Variants in IPO7 observed in about 807,000 individuals in gnomAD.
IPO7 encodes importin-7.
A neutral mutation model predicts 136.4 loss-of-function variants in IPO7; 13 were observed. That is an observed-to-expected ratio of 0.10 (90% CI 0.06 to 0.15). IPO7 has a LOEUF of 0.15. IPO7 is among the 10% of genes least tolerant of loss of function. The pLI, the probability that IPO7 is intolerant of heterozygous loss-of-function variation, is 1.00. For synonymous variants in IPO7, 403 were observed against 404.4 expected (o/e 1.00, Z 0.04); for missense variants, 857 against 1,240.6 (o/e 0.69, Z 4.65).
intron 2 of IPO7, 41 bp downstream of exon 2, chr11:9,403,412 T>A (rs757101668): frequency 2.1e-6 from 3 of 1,434,510 alleles, no homozygotes; most frequent in Non-Finnish European, 2.9e-6. Context: ...TAATCTATTG[T>A]TTAAAAGGTT....
intron 16 of IPO7, chr11:9,433,054 G>C (rs570356632): frequency 6.4e-5 from 9 of 140,768 alleles, no homozygotes; most frequent in African/African-American, 2.3e-4. Flanking sequence ...AATGGCGCTC[G>C]GCTCACTGCA....
Position 9,414,358 on chromosome 11 carries a change from C to G in IPO7, c.583C>G (p.Gln195Glu). ...FIQLLSDQSD[Q>E]SVLIQKQIFK... ...CCAGCTTCTTTCTGACCAGTCTGAT[C>G]AGTCTGTCCTCATCCAGAAACAGAT... The change falls in exon 5 of 25, where the codon CAG becomes GAG. Residue 195 changes from glutamine (Q) to glutamate (E), a missense_variant. Around this residue, in one of 11 missense-constraint regions of IPO7, gnomAD observed 287 missense variants for 307.5 expected, o/e 0.93. Transcript: ENST00000379719. 6.2e-7 allele frequency: 1 copy of G among 1,611,852 alleles called. No individual in the cohort carries two copies. Among genetic ancestry groups the G allele is most frequent in the Non-Finnish European group, 8.5e-7 (1 of 1,178,238 alleles).
At chr11:9,429,340 A>G in intron 14 of IPO7, 144 bp downstream of exon 14, 1 of 694,978 alleles carries the variant, frequency 1.4e-6, no homozygotes, top group Non-Finnish European at 2.4e-6. Flanking sequence ...CATCTCTACA[A>G]AAAAAATTTT....
chr11:9,414,600 A>G (rs1855013526), intron 5 of IPO7, 189 bp downstream of exon 5: 2 of 347,206 alleles, frequency 5.8e-6, no homozygotes, highest in South Asian at 1.8e-4. Context: ...CCCCAAATAC[A>G]TAAACAACCC....
At chr11:9,432,881 T>C (rs760167883) in intron 16 of IPO7, among the ~76,000 whole-genome samples, 1 of 152,152 alleles carries the variant, frequency 6.6e-6, no homozygotes, top group African/African-American at 2.4e-5. Flanking sequence ...GTAGCAATAA[T>C]GCCTTCCTTC....
At chr11:9,398,380 G>A (rs902024646) in intron 1 of IPO7, among the ~76,000 whole-genome samples, 12 of 152,264 alleles carry the variant, frequency 7.9e-5, no homozygotes, top group African/African-American at 2.6e-4. Flanking sequence ...GAAAAATAAT[G>A]GTTATGAGAG....
intron 1 of IPO7, among the ~76,000 whole-genome samples, chr11:9,398,460 C>T (rs1486871779): frequency 6.6e-6 from 1 of 152,178 alleles, no homozygotes; most frequent in Non-Finnish European, 1.5e-5. Context: ...AATGTTTAAG[C>T]CGAAACCCAA....
chr11:9,433,819 C>G lies in IPO7; in HGVS notation c.2047C>G (p.Gln683Glu). 6.2e-7 allele frequency: 1 copy of G among 1,611,374 alleles called. No homozygotes were observed. Among genetic ancestry groups the G allele is most frequent in the Non-Finnish European group, 8.5e-7 (1 of 1,179,848 alleles). ...ACTACCCCTTGTATTTGAAGTCTTT[C>G]AGCAAGATGGCTTTGATTACTTTAC... The part of the protein sequence containing the change: ...QLLPLVFEVF[Q>E]QDGFDYFTDM... The change falls in exon 18 of 25, where the codon CAG becomes GAG. Residue 683 changes from glutamine to glutamate, a missense_variant. By Grantham distance (29) the Gln-to-Glu change is conservative. This residue lies in a region of IPO7 where 190 missense variants were observed against 249.0 expected (regional missense o/e 0.76). Coordinates refer to ENST00000379719, the MANE Select transcript of IPO7 (RefSeq NM_006391.3).
rs756829995 is a variant in IPO7, at chr11:9,417,085, C to A, written c.663C>A (p.Asn221Lys). The A allele has an allele frequency of 3.8e-6, 6 of 1,559,558 alleles. No individual in the cohort carries two copies. In the African/African-American group the frequency reaches 5.4e-5, roughly 14 times the overall value. Reference sequence around the variant, plus strand: ...ATACACTACCACTGGAACTGATAAACCAACAGAACCTGACAGAATGGATAG... The same window carrying A: ...ATACACTACCACTGGAACTGATAAAACAACAGAACCTGACAGAATGGATAG... ...VQYTLPLELI[N>K]QQNLTEWIEI... Residue 221 changes from asparagine to lysine, a missense_variant, in exon 6 of 25, where the codon AAC becomes AAA. Coordinates refer to ENST00000379719, the MANE Select transcript of IPO7 (RefSeq NM_006391.3).
chr11:9,438,637 A>AT lies in IPO7; in HGVS notation c.2695+352_2695+353insT, dbSNP rs1282175980. Among the ~76,000 whole-genome samples the AT allele has an allele frequency of 5.5e-4, 83 of 151,258 alleles. No individual in the cohort carries two copies. The East Asian group carries it at 5.7e-3, about 10-fold the overall frequency. On this transcript the variant is annotated intron_variant, in intron 22 of 24. Transcript: ENST00000379719. ...GAGACTCCATCTCAGATTAAAAAAA[A>AT]ATATATATATATATCACTAGCCCTT...
At chr11:9,431,911 G>A (rs1341957066) in intron 16 of IPO7, among the ~76,000 whole-genome samples, 2 of 152,074 alleles carry the variant, frequency 1.3e-5, no homozygotes, top group South Asian at 2.1e-4. Flanking sequence ...AGAGGCAGAC[G>A]CTGCAGTGAG....
chr11:9,437,033 T>C (rs895976176), intron 20 of IPO7, among the ~76,000 whole-genome samples: 21 of 149,028 alleles, frequency 1.4e-4, no homozygotes, highest in African/African-American at 4.9e-4. Flanking sequence ...TATAGGTGCC[T>C]GCCACCACAC....
At chr11:9,437,497 G>A (rs1267413247) in intron 20 of IPO7, among the ~76,000 whole-genome samples, 10 of 151,450 alleles carry the variant, frequency 6.6e-5, no homozygotes, top group South Asian at 2.1e-4. Flanking sequence ...CTCGTGATCC[G>A]CCTGCCTCAG....
chr11:9,418,264 T>C (rs569338717), intron 6 of IPO7, among the ~76,000 whole-genome samples: 1 of 151,470 alleles, frequency 6.6e-6, no homozygotes, highest in African/African-American at 2.4e-5. Flanking sequence ...AGAGACAGGG[T>C]TTCACCATCT....
At chr11:9,428,276 A>G (rs1018372841) in intron 12 of IPO7, among the ~76,000 whole-genome samples, 1 of 152,254 alleles carries the variant, frequency 6.6e-6, no homozygotes, top group Non-Finnish European at 1.5e-5. Flanking sequence ...AAATTAACCA[A>G]ACTTACATCA....
intron 5 of IPO7, among the ~76,000 whole-genome samples, chr11:9,415,164 C>CAAA (rs1348793643): frequency 6.6e-6 from 1 of 150,998 alleles, no homozygotes; most frequent in Admixed American, 6.6e-5. Flanking sequence ...ATTAAAAATA[C>CAAA]AAAAAAAATT....
In IPO7 at chr11:9,425,231, T is replaced by C; in HGVS notation, c.1304T>C (p.Met435Thr). ...DPRKKDGALH[M>T]IGSLAEILLK... is the part of the protein sequence containing the mutation. ...CGAAAAAAAGATGGAGCCCTGCATA[T>C]GATTGGCTCTTTAGCTGAAATACTT... Residue 435 changes from methionine (M) to threonine (T), a missense_variant, in exon 12 of 25, where the codon ATG (methionine) becomes ACG (threonine). Physicochemically the swap from Met to Thr is moderately conservative, Grantham distance 81. Transcript: ENST00000379719. 6.2e-7 allele frequency: 1 copy of C among 1,606,334 alleles called. No individual in the cohort carries two copies. The highest frequency in any genetic ancestry group is 8.5e-7 in the Non-Finnish European group (1 of 1,173,488).
chr11:9,414,619 CTTTTTTTTTTTT>C (rs1164303193), intron 5 of IPO7: 46 of 71,362 alleles, frequency 6.4e-4, no homozygotes, highest in South Asian at 2.5e-3. Flanking sequence ...CCTAATGAAT[CTTTTTTTTTTTT>C]TTTTTTTTTT....
intron 3 of IPO7, 68 bp downstream of exon 3, chr11:9,408,707 T>A: frequency 1.5e-6 from 1 of 652,816 alleles, no homozygotes; most frequent in Non-Finnish European, 2.1e-6. Context: ...TTTTTTGGTT[T>A]TTTTTTTTTT....
Sources: allele counts gnomAD v4.1 joint callset (sites outside exome capture counted in the v4.1 genomes callset), GRCh38; gene constraint gnomAD v4.1.1; regional missense constraint gnomAD v4.1.1; transcripts MANE v1.5; gene names NCBI Gene and HGNC (gene_info 2026-07-23, HGNC 2026-07-21).